The following TMC2 variants were observed in gnomAD, a reference collection of about 807,000 sequenced individuals.
The protein encoded by TMC2 is transmembrane channel like 2, also known as transmembrane channel-like protein 2.
Under a neutral mutation model 105.9 loss-of-function variants are expected in TMC2, and 102 were observed. That is an observed-to-expected ratio of 0.96 (90% CI 0.82 to 1.14). The LOEUF (loss-of-function observed/expected upper bound fraction) is 1.14, where lower values mean the gene tolerates loss of function less well. TMC2 is among the 50% of genes most tolerant of loss of function. The pLI is 0.00. For synonymous variants in TMC2, 402 were observed against 422.8 expected, an observed-to-expected ratio of 0.95 and a Z score of 0.60; for missense variants, 1,093 against 1,134.3, an observed-to-expected ratio of 0.96 and a Z score of 0.52.
At chr20:2,607,768 T>C (rs2086404399) in intron 11 of TMC2, among the ~76,000 whole-genome samples, 1 of 152,222 alleles carries the variant, frequency 6.6e-6, no homozygotes, top group Non-Finnish European at 1.5e-5. Context: ...GTCTATGTGT[T>C]TTTTTATTTT....
chr20:2,570,711 A>T (rs1056375658), intron 4 of TMC2, among the ~76,000 whole-genome samples: 1 of 152,208 alleles, frequency 6.6e-6, no homozygotes, highest in African/African-American at 2.4e-5. Context: ...AAACAAAAAG[A>T]ATAAAGCCAG....
chr20:2,612,997 A>G (rs1289306648), intron 13 of TMC2, among the ~76,000 whole-genome samples, 197 bp from the exon 14 acceptor site: 1 of 152,226 alleles, frequency 6.6e-6, no homozygotes, highest in Non-Finnish European at 1.5e-5. Context: ...TACAATTGGT[A>G]ATGTGGAGCT....
intron 17 of TMC2, among the ~76,000 whole-genome samples, chr20:2,627,471 G>A (rs2086572883): frequency 6.6e-6 from 1 of 152,150 alleles, no homozygotes; most frequent in African/African-American, 2.4e-5. Context: ...CTGGGATTCT[G>A]CCCCTCAAGT....
chr20:2,613,544 C>CCTTT (rs2086459255), intron 14 of TMC2: 2 of 551,338 alleles, frequency 3.6e-6, no homozygotes, highest in Admixed American at 5.3e-5. Flanking sequence ...ATGTGACCTT[C>CCTTT]TATTCTAGGA....
Position 2,558,818 on chromosome 20 carries a change from C to A in TMC2, c.401+44C>A. On this transcript the variant is annotated intron_variant, in intron 3 of 19. Coordinates refer to ENST00000358864, the MANE Select transcript of TMC2 (RefSeq NM_080751.3). The surrounding 1 kb of genome is among the most constrained non-coding windows in gnomAD (Gnocchi z 4.6). Reference sequence around the variant, plus strand: ...TCTGGGCATTCGCTCCGCGCGCTCCCGCTCCTTCGCGGCCCTTCCCCTTCC... The same window carrying A: ...TCTGGGCATTCGCTCCGCGCGCTCCAGCTCCTTCGCGGCCCTTCCCCTTCC... The A allele has an allele frequency of 6.7e-7, 1 of 1,481,744 alleles. No individual in the cohort carries two copies. Among genetic ancestry groups the A allele is most frequent in the South Asian group, 1.4e-5 (1 of 70,744 alleles). The allele number at this position is 1,481,744 out of a possible 1,614,324, so 91.8% of individuals were successfully genotyped here. A position where few individuals can be genotyped will look rare whatever the true frequency, so the allele number is the denominator to read the frequency against.
chr20:2,604,609 T>G (rs6083802), intron 11 of TMC2, among the ~76,000 whole-genome samples: 40,528 of 152,018 alleles, frequency 0.27, 5,578 homozygotes, highest in East Asian at 0.36. Context: ...GATGACTGGT[T>G]GCTGGAAGCT....
intron 9 of TMC2, among the ~76,000 whole-genome samples, chr20:2,596,292 T>G (rs1348298037): frequency 6.6e-6 from 1 of 152,138 alleles, no homozygotes; most frequent in Non-Finnish European, 1.5e-5. Context: ...ATATATGACC[T>G]GATTGTATTA....
At chr20:2,589,435 A>G (rs1207633045) in intron 7 of TMC2, among the ~76,000 whole-genome samples, 1 of 151,914 alleles carries the variant, frequency 6.6e-6, no homozygotes, top group Non-Finnish European at 1.5e-5. Context: ...CTCTCATTTC[A>G]TTCTTCAGCC....
intron 7 of TMC2, among the ~76,000 whole-genome samples, chr20:2,584,836 G>A (rs558450668): frequency 6.6e-6 from 1 of 151,696 alleles, no homozygotes; most frequent in South Asian, 2.1e-4. Flanking sequence ...TTTGCATCAA[G>A]TAAAATTTAC....
intron 18 of TMC2, 70 bp downstream of exon 18, chr20:2,636,074 G>GGGCTCACACAGCAAA: frequency 7.5e-7 from 1 of 1,333,264 alleles, no homozygotes; most frequent in African/African-American, 1.4e-5. Context: ...CTAATTTGCT[G>GGGCTCACACAGCAAA]TGTGAGCCCA....
chr20:2,588,691 T>TTGTGTGTG (rs57035040), intron 7 of TMC2, among the ~76,000 whole-genome samples: 42,855 of 143,372 alleles, frequency 0.3, 7,159 homozygotes, highest in Non-Finnish European at 0.37. Context: ...GCATGTGTCT[T>TTGTGTGTG]TGTGTGTGTG....
intron 2 of TMC2, among the ~76,000 whole-genome samples, chr20:2,555,737 C>T (rs2085981387): frequency 2.6e-5 from 4 of 152,142 alleles, no homozygotes. Context: ...CACTCTTTTT[C>T]TGCCTTCTGC....
Position 2,616,210 on chromosome 20 carries a change from T to A in TMC2, c.1940+6T>A, listed in dbSNP as rs758503437. The A allele has an allele frequency of 1.2e-6, 2 of 1,610,740 alleles. No individual in the cohort carries two copies. The highest frequency in any genetic ancestry group is 1.7e-6 in the Non-Finnish European group (2 of 1,177,050). ...TTCAACCAAGGAATGATCTGGTGAG[T>A]TATCCATTTCATCTGGTGATCGCCT... On this transcript the variant is annotated splice_donor_region_variant and intron_variant, in intron 15 of 19. Coordinates refer to ENST00000358864, the MANE Select transcript of TMC2 (RefSeq NM_080751.3). This position sits in a 1 kb window ranked among gnomAD's most constrained non-coding sequence, Gnocchi z 4.8.
intron 17 of TMC2, among the ~76,000 whole-genome samples, chr20:2,635,387 A>G (rs1456479541): frequency 2.0e-5 from 3 of 152,164 alleles, no homozygotes; most frequent in Non-Finnish European, 4.4e-5. Flanking sequence ...CTGTAGAAAA[A>G]GTGTTGGTTT....
At chr20:2,631,250 T>G (rs928385766) in intron 17 of TMC2, among the ~76,000 whole-genome samples, 2 of 152,236 alleles carry the variant, frequency 1.3e-5, no homozygotes, top group Non-Finnish European at 2.9e-5. Flanking sequence ...CCACACAAAT[T>G]ACATCTTTAT....
At chr20:2,577,272 C>T (rs769394187) in intron 5 of TMC2, among the ~76,000 whole-genome samples, 9 of 151,674 alleles carry the variant, frequency 5.9e-5, no homozygotes, top group Non-Finnish European at 1.2e-4. Flanking sequence ...AACTCATGAC[C>T]TCAAGTGATC....
rs115315122 is a variant in TMC2 at position 2,537,393 on chromosome 20, C to G, written c.82+77C>G. 2.1e-3 allele frequency: 2,446 copies of G among 1,184,664 alleles called. 27 individuals are homozygous for G. The African/African-American group carries it at 0.028, about 14-fold the overall frequency. The allele number at this position is 1,184,664 out of a possible 1,614,324, so 73.4% of individuals were successfully genotyped here. A position where few individuals can be genotyped will look rare whatever the true frequency, so the allele number is the denominator to read the frequency against. On this transcript the variant is annotated intron_variant, in intron 2 of 19. Transcript: ENST00000358864. ...CTGCTTAGCCCAACAGTCCAGCCAC[C>G]CATCCAACATTCTCCTTCATCTCCT... is the stretch of plus-strand genomic sequence containing the variant.
At position 2,536,573 on chromosome 20, in the gene TMC2, A is replaced by G. The variant is rs768296607; in HGVS notation, c.-49A>G. ...CAGCCCAGGCTGAAGGCGTGCATAC[A>G]GGAGCACGCTGCGTGAGCCTGTGCA... On this transcript the variant is annotated 5_prime_UTR_variant, in exon 1 of 20. Coordinates refer to ENST00000358864, the MANE Select transcript of TMC2 (RefSeq NM_080751.3). 1 of 1,551,738 alleles carries G rather than the reference A, an allele frequency of 6.4e-7. No homozygotes were observed. The highest frequency in any genetic ancestry group is 2.4e-5 in the East Asian group (1 of 41,522).
Position 2,536,607 on chromosome 20 carries a change from G to C in TMC2, c.-15G>C. ...CTGCGTGAGCCTGTGCAGGACCCCA[G>C]CAGTGCTGCTGACCATGAGCCACCA... On this transcript the variant is annotated 5_prime_UTR_variant, in exon 1 of 20. Coordinates refer to ENST00000358864, the MANE Select transcript of TMC2 (RefSeq NM_080751.3). The C allele has an allele frequency of 6.4e-7, 1 of 1,568,230 alleles. No individual in the cohort carries two copies.
Sources: allele counts gnomAD v4.1 joint callset (sites outside exome capture counted in the v4.1 genomes callset), GRCh38; gene constraint gnomAD v4.1.1; non-coding constraint Gnocchi (gnomAD v3.1); transcripts MANE v1.5; gene names NCBI Gene and HGNC (gene_info 2026-07-23, HGNC 2026-07-21).